The following NRF1 variants were observed in gnomAD, a reference collection of about 807,000 sequenced individuals.
NRF1 encodes nuclear respiratory factor 1, also known as alpha palindromic-binding protein.
In NRF1, 5 loss-of-function variants were observed where a neutral mutation model predicts 58.5. The observed-to-expected ratio is 0.09, with a 90% CI of 0.04 to 0.18. NRF1 has a LOEUF of 0.18. Ranked by LOEUF, NRF1 falls within the 10% of genes least tolerant of loss-of-function variation. The pLI, the probability that NRF1 is intolerant of heterozygous loss-of-function variation, is 1.00. For synonymous variants in NRF1, 224 were observed against 246.7 expected (o/e 0.91, Z 0.86); for missense variants, 288 against 657.7 (o/e 0.44, Z 6.15).
intron 3 of NRF1, among the ~76,000 whole-genome samples, chr7:129,676,664 A>G (rs574580641): frequency 1.3e-5 from 2 of 152,338 alleles, no homozygotes; most frequent in East Asian, 3.9e-4. Flanking sequence ...AATAATGAAG[A>G]AGTTTGAAAT....
In NRF1 at chr7:129,657,502, A is replaced by G; in HGVS notation, c.151A>G (p.Thr51Ala). The G allele has an allele frequency of 6.2e-7, 1 of 1,613,532 alleles. No homozygotes were observed. The highest frequency in any genetic ancestry group is 8.5e-7 in the Non-Finnish European group (1 of 1,179,930). ...DEDSPSSPEDTSYDDSDILNS... is the reference protein window; with the variant it reads ...DEDSPSSPEDASYDDSDILNS... ...AGACTCGCCTTCTTCTCCCGAGGAC[A>G]CCTCTTACGATGACTCAGATATACT... is the stretch of plus-strand genomic sequence containing the variant. The change falls in exon 2 of 11, where the codon ACC (threonine) becomes GCC (alanine). Residue 51 changes from threonine (T) to alanine (A), a missense_variant. Transcript: ENST00000393232.
At chr7:129,636,942 G>A (rs906759530) in intron 1 of NRF1, among the ~76,000 whole-genome samples, 5 of 152,132 alleles carry the variant, frequency 3.3e-5, no homozygotes, top group African/African-American at 1.2e-4. Flanking sequence ...TAAACTTTCA[G>A]TATGTATTTG....
At chr7:129,657,297 T>C in intron 1 of NRF1, 49 bp from the exon 2 acceptor site, 1 of 1,323,260 alleles carries the variant, frequency 7.6e-7, no homozygotes, top group Non-Finnish European at 1.1e-6. Flanking sequence ...AAACATTGTG[T>C]TATATTACAC....
At chr7:129,657,640 C>CCAAAA in intron 2 of NRF1, 66 bp downstream of exon 2, 3 of 1,028,056 alleles carry the variant, frequency 2.9e-6, no homozygotes, top group Non-Finnish European at 4.2e-6. Flanking sequence ...GACAGCGTCT[C>CCAAAA]ACTCTGTTGC....
chr7:129,694,633 G>T (rs1375262318), intron 5 of NRF1, among the ~76,000 whole-genome samples: 1 of 152,186 alleles, frequency 6.6e-6, no homozygotes, highest in Non-Finnish European at 1.5e-5. Flanking sequence ...CTCCCAAAGT[G>T]CTGGGATTGC....
At chr7:129,727,423 G>C in intron 10 of NRF1, 58 bp downstream of exon 10, 1 of 1,519,476 alleles carries the variant, frequency 6.6e-7, no homozygotes, top group Admixed American at 2.4e-5. Flanking sequence ...AAACCTTCCT[G>C]ACATGACTGG....
chr7:129,660,343 C>T (rs142540058), intron 2 of NRF1, among the ~76,000 whole-genome samples: 2,437 of 150,844 alleles, frequency 0.016, 218 homozygotes, highest in African/African-American at 0.058. Flanking sequence ...TCATGCCTTT[C>T]TAACAGTCCC....
intron 10 of NRF1, among the ~76,000 whole-genome samples, chr7:129,754,764 A>G (rs1319183305): frequency 6.6e-6 from 1 of 152,182 alleles, no homozygotes; most frequent in East Asian, 1.9e-4. Context: ...TACAGTGTAT[A>G]CATGCATTGA....
At chr7:129,728,058 A>G (rs940212933) in intron 10 of NRF1, among the ~76,000 whole-genome samples, 1 of 152,242 alleles carries the variant, frequency 6.6e-6, no homozygotes. Flanking sequence ...GTAAGGAGTC[A>G]GTTGGCAAGA....
intron 1 of NRF1, among the ~76,000 whole-genome samples, chr7:129,640,632 G>A (rs1801269383): frequency 1.3e-5 from 2 of 152,112 alleles, no homozygotes; most frequent in Non-Finnish European, 1.5e-5. Context: ...TAGCAGTTAA[G>A]GAGCCCAAGC....
intron 2 of NRF1, among the ~76,000 whole-genome samples, chr7:129,659,685 C>T (rs554298925): frequency 5.0e-4 from 76 of 152,306 alleles, no homozygotes; most frequent in African/African-American, 1.6e-3. Context: ...ATTCTAACCG[C>T]TACTCTTTCA....
At chr7:129,742,124 T>G (rs1457235300) in intron 10 of NRF1, among the ~76,000 whole-genome samples, 1 of 152,110 alleles carries the variant, frequency 6.6e-6, no homozygotes, top group African/African-American at 2.4e-5. Flanking sequence ...TTGGTCAGAC[T>G]GAGAGCAAAG....
chr7:129,738,199 C>G (rs1357200075), intron 10 of NRF1, among the ~76,000 whole-genome samples: 1 of 152,336 alleles, frequency 6.6e-6, no homozygotes, highest in Middle Eastern at 3.4e-3. Flanking sequence ...GAATCACAGG[C>G]CTTTTTTAAA....
chr7:129,708,662 G>A (rs993815337), intron 5 of NRF1, among the ~76,000 whole-genome samples: 3 of 151,886 alleles, frequency 2.0e-5, no homozygotes, highest in Admixed American at 1.3e-4. Flanking sequence ...TTATCAGCTC[G>A]CCTCTTATTT....
chr7:129,735,541 AAAAAT>A (rs1345621851), intron 10 of NRF1, among the ~76,000 whole-genome samples: 1 of 152,178 alleles, frequency 6.6e-6, no homozygotes, highest in Non-Finnish European at 1.5e-5. Context: ...AATAAAAAAT[AAAAAT>A]AAAATAGAAT....
chr7:129,742,283 AAAAAAAAAAC>A (rs1454211096), intron 10 of NRF1, among the ~76,000 whole-genome samples: 2 of 151,500 alleles, frequency 1.3e-5, no homozygotes, highest in Admixed American at 6.6e-5. Context: ...ATTAAAAAAA[AAAAAAAAAAC>A]AAAAAACTTT....
At chr7:129,633,362 A>C (rs1486098344) in intron 1 of NRF1, 1 of 152,248 alleles carries the variant, frequency 6.6e-6, no homozygotes, top group Non-Finnish European at 1.5e-5. Flanking sequence ...TGGTGTGCTT[A>C]TAATTTTATC....
chr7:129,691,772 TTCTC>T (rs1207578911), intron 5 of NRF1, among the ~76,000 whole-genome samples: 11 of 152,314 alleles, frequency 7.2e-5, no homozygotes, highest in Non-Finnish European at 1.0e-4. Context: ...TTAAAGCATC[TTCTC>T]TCTGTCTCTT....
chr7:129,648,402 C>A (rs1801460083), intron 1 of NRF1, among the ~76,000 whole-genome samples: 1 of 151,568 alleles, frequency 6.6e-6, no homozygotes, highest in Admixed American at 6.6e-5. Context: ...GCCTCTGCCT[C>A]CCGAGTAGCT....
Sources: gnomAD v4.1 joint callset for allele counts (sites outside exome capture counted in the v4.1 genomes callset) on GRCh38, gnomAD v4.1.1 for gene constraint, MANE v1.5 for transcripts, NCBI Gene and HGNC (gene_info 2026-07-23, HGNC 2026-07-21) for gene names.